The following BMPR1B variants were observed in gnomAD, a reference collection of about 807,000 sequenced individuals.
The protein encoded by BMPR1B is bone morphogenetic protein receptor type-1B.
BMPR1B carries 12 observed loss-of-function variants against 59.1 expected under a neutral mutation model. The ratio of observed to expected loss-of-function variants is 0.20; its 90% CI spans 0.13 to 0.33. The LOEUF (loss-of-function observed/expected upper bound fraction) is 0.33, where lower values mean the gene tolerates loss of function less well. Ranked by LOEUF, BMPR1B falls within the 10% of genes least tolerant of loss-of-function variation. The pLI is 1.00. For missense variants in BMPR1B, 550 were observed against 610.9 expected (o/e 0.90, Z 1.05); for synonymous variants, 237 against 207.3 (o/e 1.14, Z -1.23).
intron 2 of BMPR1B, among the ~76,000 whole-genome samples, chr4:94,880,069 A>G (rs1429136803): frequency 2.0e-5 from 3 of 151,938 alleles, no homozygotes; most frequent in Non-Finnish European, 4.4e-5. Context: ...TTATTATTTT[A>G]TTCATAATTT....
chr4:94,998,880 C>G (rs1433094175), intron 3 of BMPR1B, among the ~76,000 whole-genome samples: 1 of 152,156 alleles, frequency 6.6e-6, no homozygotes, highest in African/African-American at 2.4e-5. Flanking sequence ...CTTGCCCATC[C>G]ATGAGAATAT....
At chr4:94,878,140 T>C (rs924550906) in intron 2 of BMPR1B, among the ~76,000 whole-genome samples, 1 of 152,254 alleles carries the variant, frequency 6.6e-6, no homozygotes, top group East Asian at 1.9e-4. Context: ...AGAACATTTT[T>C]AAAGGCTCTT....
intron 4 of BMPR1B, among the ~76,000 whole-genome samples, chr4:95,108,793 G>A (rs1273777756): frequency 6.6e-6 from 1 of 151,930 alleles, no homozygotes; most frequent in Admixed American, 6.6e-5. Context: ...TCTCTCCCTC[G>A]AGATACCATC....
At chr4:95,150,898 G>T (rs1024068792) in intron 11 of BMPR1B, among the ~76,000 whole-genome samples, 1 of 152,246 alleles carries the variant, frequency 6.6e-6, no homozygotes, top group South Asian at 2.1e-4. Flanking sequence ...TCTCAGAAAC[G>T]CATTTGTGAG....
chr4:94,826,854 A>G (rs1724401522), intron 1 of BMPR1B, among the ~76,000 whole-genome samples: 1 of 152,196 alleles, frequency 6.6e-6, no homozygotes, highest in Admixed American at 6.5e-5. Context: ...CAAGAGAAAC[A>G]GTTTTGCCAA....
At chr4:95,135,267 T>A (rs906850548) in intron 10 of BMPR1B, among the ~76,000 whole-genome samples, 5 of 152,196 alleles carry the variant, frequency 3.3e-5, no homozygotes, top group African/African-American at 1.2e-4. Flanking sequence ...TACTGTAGCC[T>A]TGTAGTATAG....
rs1339367828 is a variant in BMPR1B, at chr4:95,131,478, A to G, written c.1042A>G (p.Ile348Val). The change falls in exon 10 of 13, where the codon ATT (isoleucine) becomes GTT (valine). Residue 348 changes from isoleucine (I) to valine (V), a missense_variant. This residue lies in a region of BMPR1B where 318 missense variants were observed against 284.6 expected (regional missense o/e 1.12). Coordinates refer to ENST00000515059, the MANE Select transcript of BMPR1B (RefSeq NM_001203.3). Reference protein sequence around the residue: ...ILVKKNGTCCIADLGLAVKFI... With the variant: ...ILVKKNGTCCVADLGLAVKFI... ...GGTGAAGAAAAATGGAACTTGCTGTATTGCTGACCTGGGCCTGGCTGTTAA... is the reference window on the plus strand; with the variant it reads ...GGTGAAGAAAAATGGAACTTGCTGTGTTGCTGACCTGGGCCTGGCTGTTAA... 1 of 1,614,084 alleles carries G rather than the reference A, an allele frequency of 6.2e-7. No individual in the cohort carries two copies. Among genetic ancestry groups the G allele is most frequent in the South Asian group, 1.1e-5 (1 of 91,076 alleles).
chr4:94,924,412 T>C (rs1366333258), intron 2 of BMPR1B, among the ~76,000 whole-genome samples: 1 of 152,108 alleles, frequency 6.6e-6, no homozygotes, highest in Admixed American at 6.6e-5. Context: ...ACTCCCTGAA[T>C]TAGGAATAAG....
chr4:94,968,714 C>A (rs1052328014), intron 2 of BMPR1B, among the ~76,000 whole-genome samples: 2 of 152,156 alleles, frequency 1.3e-5, no homozygotes, highest in Admixed American at 1.3e-4. Flanking sequence ...CTGTAACATA[C>A]TGACTCAATG....
At chr4:94,818,336 AT>A (rs1724085005) in intron 1 of BMPR1B, among the ~76,000 whole-genome samples, 1 of 152,172 alleles carries the variant, frequency 6.6e-6, no homozygotes, top group Non-Finnish European at 1.5e-5. Flanking sequence ...TCTAAGTTTA[AT>A]GACAACTATT....
At chr4:95,017,427 A>G (rs975343734) in intron 3 of BMPR1B, among the ~76,000 whole-genome samples, 5 of 152,156 alleles carry the variant, frequency 3.3e-5, no homozygotes, top group Admixed American at 6.5e-5. Context: ...TGGCCTCTGC[A>G]TGTTCATATC....
chr4:94,879,055 G>C (rs1019022161), intron 2 of BMPR1B, among the ~76,000 whole-genome samples: 6 of 151,980 alleles, frequency 3.9e-5, no homozygotes, highest in African/African-American at 1.5e-4. Context: ...CAATGTGCAG[G>C]TTTGTTACAT....
intron 3 of BMPR1B, among the ~76,000 whole-genome samples, chr4:95,086,529 T>A (rs1185913915): frequency 6.6e-6 from 1 of 152,224 alleles, no homozygotes; most frequent in Admixed American, 6.5e-5. Context: ...AATATTTTAT[T>A]GTTGTTCAAC....
intron 1 of BMPR1B, among the ~76,000 whole-genome samples, chr4:94,820,635 A>T (rs1484169538): frequency 1.3e-5 from 2 of 152,262 alleles, no homozygotes; most frequent in Non-Finnish European, 1.5e-5. Flanking sequence ...TTTGAAGGAT[A>T]CGAATTTATT....
intron 2 of BMPR1B, among the ~76,000 whole-genome samples, chr4:94,922,548 G>A (rs1728743923): frequency 6.6e-6 from 1 of 152,088 alleles, no homozygotes; most frequent in Non-Finnish European, 1.5e-5. Context: ...TTCTAAGTTG[G>A]TTATAAGATT....
intron 3 of BMPR1B, among the ~76,000 whole-genome samples, chr4:95,061,767 G>T (rs939454999): frequency 2.0e-5 from 3 of 152,148 alleles, no homozygotes; most frequent in African/African-American, 7.2e-5. Context: ...TGTATGTTTA[G>T]AAAGCCAAAA....
intron 3 of BMPR1B, among the ~76,000 whole-genome samples, chr4:95,097,061 TTATATATTTACATATAGTTA>T (rs1264045039): frequency 1.5e-3 from 219 of 145,472 alleles, no homozygotes; most frequent in African/African-American, 5.0e-3. Context: ...CTGTATATAG[TTATATATTTACATATAGTTA>T]TATATATTTA....
At chr4:94,876,312 T>A (rs1055542673) in intron 2 of BMPR1B, among the ~76,000 whole-genome samples, 1 of 152,220 alleles carries the variant, frequency 6.6e-6, no homozygotes, top group African/African-American at 2.4e-5. Flanking sequence ...CATTATACTT[T>A]TCATGCTGAT....
At chr4:94,937,283 T>G (rs1193617443) in intron 2 of BMPR1B, among the ~76,000 whole-genome samples, 1 of 150,970 alleles carries the variant, frequency 6.6e-6, no homozygotes, top group African/African-American at 2.5e-5. Context: ...TTCTGTGATG[T>G]TTTCCCTGGC....
Sources: gnomAD v4.1 joint callset for allele counts (sites outside exome capture counted in the v4.1 genomes callset) on GRCh38, gnomAD v4.1.1 for gene constraint, gnomAD v4.1.1 regional missense constraint, MANE v1.5 for transcripts, NCBI Gene and HGNC (gene_info 2026-07-23, HGNC 2026-07-21) for gene names.